The following FOXM1 variants were observed in gnomAD, a reference collection of about 807,000 sequenced individuals.
FOXM1 encodes forkhead box protein M1.
In FOXM1, 25 loss-of-function variants were observed where a neutral mutation model predicts 63.6. The observed-to-expected ratio is 0.39, with a 90% confidence interval of 0.29 to 0.55. FOXM1 has a LOEUF of 0.55. Ranked by LOEUF, FOXM1 falls within the 20% of genes least tolerant of loss-of-function variation. The probability of loss-of-function intolerance (pLI) is 0.60; values close to 1 mark genes in which losing one functional copy is unlikely to be tolerated. For missense variants in FOXM1, 879 were observed against 958.7 expected (o/e 0.92, Z 1.10); for synonymous variants, 387 against 376.9 (o/e 1.03, Z -0.31).
chr12:2,874,661 T>G lies in FOXM1; in HGVS notation c.-47-136A>C. On this transcript the variant is annotated intron_variant, in intron 1 of 8. Transcript: ENST00000359843. The surrounding 1 kb of genome is among the most constrained non-coding windows in gnomAD (Gnocchi z 4.3). ...CAGGTAAACATTCCATGGACTTTTGTAAAGACCTCAGATAATAAGGAGATA... is the reference window on the plus strand; with the variant it reads ...CAGGTAAACATTCCATGGACTTTTGGAAAGACCTCAGATAATAAGGAGATA... 1 of 629,862 alleles carries G rather than the reference T, an allele frequency of 1.6e-6. No homozygotes were observed. Among genetic ancestry groups the G allele is most frequent in the Non-Finnish European group, 2.7e-6 (1 of 363,944 alleles). 39.0% of individuals were successfully genotyped at this position (629,862 alleles called of 1,614,324 possible). A position where few individuals can be genotyped will look rare whatever the true frequency, so the allele number is the denominator to read the frequency against.
At position 2,858,366 on chromosome 12, in the gene FOXM1, T is replaced by G. The variant is rs1216152426; in HGVS notation, c.*272A>C. 1 of 433,654 alleles carries G rather than the reference T, an allele frequency of 2.3e-6. No individual in the cohort carries two copies. The highest frequency in any genetic ancestry group is 3.7e-5 in the East Asian group (1 of 26,884). 26.9% of individuals were successfully genotyped at this position (433,654 alleles called of 1,614,324 possible). On this transcript the variant is annotated 3_prime_UTR_variant, in exon 9 of 9. Coordinates refer to ENST00000359843, the MANE Select transcript of FOXM1 (RefSeq NM_021953.4). ...TGCTGGGCAGAGAATGGAAACAGGCTGGGGGGTTCCTAATCTCTTTTCACC... is the reference window on the plus strand; with the variant it reads ...TGCTGGGCAGAGAATGGAAACAGGCGGGGGGGTTCCTAATCTCTTTTCACC...
intron 8 of FOXM1, among the ~76,000 whole-genome samples, chr12:2,863,224 G>A (rs2098117124): frequency 1.3e-5 from 2 of 152,066 alleles, no homozygotes; most frequent in Non-Finnish European, 2.9e-5. Context: ...TCCCTCCCAC[G>A]CCCAACAAAG....
In FOXM1 at chr12:2,868,882, C is replaced by T. The variant is rs181375270; in HGVS notation, c.655-128G>A. On this transcript the variant is annotated intron_variant, in intron 3 of 8. Coordinates refer to ENST00000359843, the MANE Select transcript of FOXM1 (RefSeq NM_021953.4). ...GTCTAGAAACAAACTCATCTGAGAC[C>T]ACTATCTCATAGAATAAAATTTTAG... The T allele has an allele frequency of 4.5e-4, 281 of 619,490 alleles. 3 individuals carry two copies. In the South Asian group the frequency reaches 5.7e-3, roughly 13 times the overall value. The allele number at this position is 619,490 out of a possible 1,614,324, so 38.4% of individuals were successfully genotyped here.
At chr12:2,862,578 T>TG (rs2098115861) in intron 8 of FOXM1, among the ~76,000 whole-genome samples, 6 of 152,286 alleles carry the variant, frequency 3.9e-5, no homozygotes, top group African/African-American at 1.4e-4. Flanking sequence ...TTGCCTAAGC[T>TG]AGAATGCAGT....
Sources: allele counts gnomAD v4.1 joint callset (sites outside exome capture counted in the v4.1 genomes callset), GRCh38; gene constraint gnomAD v4.1.1; non-coding constraint Gnocchi (gnomAD v3.1); transcripts MANE v1.5; gene names NCBI Gene and HGNC (gene_info 2026-07-23, HGNC 2026-07-21).